The following FGF3 variants were observed in gnomAD, a reference collection of about 807,000 sequenced individuals.
The protein encoded by FGF3 is fibroblast growth factor 3, also known as FGF-3.
A neutral mutation model predicts 9.8 loss-of-function variants in FGF3; 7 were observed. That is an observed-to-expected ratio of 0.72 (90% CI 0.41 to 1.35). The LOEUF (loss-of-function observed/expected upper bound fraction) is 1.35, where lower values mean the gene tolerates loss of function less well. Among genes scored for constraint, FGF3 ranks in the 40% most tolerant of loss-of-function variants. FGF3 has a pLI of 0.01. For synonymous variants in FGF3, 173 were observed against 157.2 expected, an observed-to-expected ratio of 1.10 and a Z score of -0.75; for missense variants, 390 against 345.6, an observed-to-expected ratio of 1.13 and a Z score of -1.02.
chr11:69,818,784 G>T lies in FGF3; in HGVS notation c.150C>A (p.Cys50Ter), dbSNP rs281860301. Residue 50 changes from cysteine (C) to a stop codon, truncating the protein, a stop_gained, in exon 1 of 3, where the codon TGC (cysteine) becomes TGA (stop). Coordinates refer to ENST00000334134, the MANE Select transcript of FGF3 (RefSeq NM_005247.4). LOFTEE classifies it high-confidence loss of function. ...GCAGCTGGAGGTGGTACTTCGTGGCGCAGTAGAGCTTGCGGCGCCGGGGCG... is the reference window on the plus strand; with the variant it reads ...GCAGCTGGAGGTGGTACTTCGTGGCTCAGTAGAGCTTGCGGCGCCGGGGCG... ...GGAPRRRKLYCATKYHLQLHP... is the reference protein window; with the variant it reads ...GGAPRRRKLY 1 of 1,495,664 alleles carries T rather than the reference G, an allele frequency of 6.7e-7. No homozygotes were observed. Among genetic ancestry groups the T allele is most frequent in the Non-Finnish European group, 8.9e-7 (1 of 1,129,344 alleles). 92.6% of individuals were successfully genotyped at this position (1,495,664 alleles called of 1,614,324 possible). A position where few individuals can be genotyped will look rare whatever the true frequency, so the allele number is the denominator to read the frequency against.
chr11:69,818,637 C>T (rs540593549), intron 1 of FGF3, 77 bp downstream of exon 1: 12 of 1,151,354 alleles, frequency 1.0e-5, no homozygotes, highest in Non-Finnish European at 1.4e-5. Flanking sequence ...CCCGCGGGGC[C>T]CCGCAGCGCG....
intron 2 of FGF3, among the ~76,000 whole-genome samples, chr11:69,811,992 G>A (rs782329753): frequency 6.6e-6 from 1 of 152,176 alleles, no homozygotes; most frequent in Non-Finnish European, 1.5e-5. Flanking sequence ...TAGGGAAGAG[G>A]TGGGTATGCC....
intron 2 of FGF3, among the ~76,000 whole-genome samples, chr11:69,815,399 C>T (rs1274652811): frequency 6.6e-6 from 1 of 152,046 alleles, no homozygotes; most frequent in Admixed American, 6.5e-5. Flanking sequence ...AGCCTCTGGA[C>T]CAGAGAAAAT....
chr11:69,812,907 G>C (rs945936156), intron 2 of FGF3, among the ~76,000 whole-genome samples: 1 of 152,172 alleles, frequency 6.6e-6, no homozygotes, highest in Non-Finnish European at 1.5e-5. Context: ...GTGGGAGATT[G>C]GGGGCAGTGT....
At chr11:69,818,568 G>A in intron 1 of FGF3, 146 bp downstream of exon 1, 1 of 526,986 alleles carries the variant, frequency 1.9e-6, no homozygotes, top group Non-Finnish European at 3.1e-6. Context: ...GTCTTTTCCC[G>A]GACACCCCGG....
intron 2 of FGF3, 97 bp downstream of exon 2, chr11:69,816,222 CA>C (rs1856130164): frequency 1.0e-6 from 1 of 969,604 alleles, no homozygotes; most frequent in Non-Finnish European, 1.7e-6. Flanking sequence ...GTACCCTTGG[CA>C]AAGCATTCTA....
chr11:69,816,408 G>T lies in FGF3; in HGVS notation c.236C>A (p.Thr79Lys). 6.2e-7 allele frequency: 1 copy of T among 1,613,570 alleles called. No homozygotes were observed. Among genetic ancestry groups the T allele is most frequent in the Admixed American group, 1.7e-5 (1 of 60,026 alleles). ...ENSAYSILEI[T>K]AVEVGIVAIR... The stretch of plus-strand genomic sequence containing the variant: ...GGCCACAATGCCCACCTCCACTGCC[G>T]TTATCTCCAAAATACCTAGAAGAAA... The change falls in exon 2 of 3, where the codon ACG (threonine) becomes AAG (lysine). Residue 79 changes from threonine (T) to lysine (K), a missense_variant. Physicochemically the swap from Thr to Lys is moderately conservative, Grantham distance 78. Coordinates refer to ENST00000334134, the MANE Select transcript of FGF3 (RefSeq NM_005247.4).
chr11:69,818,176 G>T (rs1421826777), intron 1 of FGF3, among the ~76,000 whole-genome samples: 2 of 152,186 alleles, frequency 1.3e-5, no homozygotes, highest in African/African-American at 2.4e-5. Flanking sequence ...AGCGGGGGCG[G>T]CCACCTGGGC....
In FGF3 at chr11:69,816,321, G is replaced by A. The variant is rs143593259; in HGVS notation, c.323C>T (p.Ser108Leu). Residue 108 changes from serine (S) to leucine (L), a missense_variant and splice_region_variant, in exon 2 of 3, where the codon TCG becomes TTG. Coordinates refer to ENST00000334134, the MANE Select transcript of FGF3 (RefSeq NM_005247.4). ...AMNKRGRLYA[S>L]EHYSAECEFV... ...ACCCACGTGACAGCCTGGACTCACC[G>A]AAGCATAGAGTCGTCCCCTCTTGTT... 1.8e-5 allele frequency: 29 copies of A among 1,612,576 alleles called. No homozygotes were observed. Among genetic ancestry groups the A allele is most frequent in the African/African-American group, 5.3e-5 (4 of 75,018 alleles).
At chr11:69,818,405 C>A (rs1337901401) in intron 1 of FGF3, among the ~76,000 whole-genome samples, 2 of 152,144 alleles carry the variant, frequency 1.3e-5, no homozygotes, top group Non-Finnish European at 2.9e-5. Context: ...CGGGCCGGAC[C>A]GGGGACGGAC....
chr11:69,810,823 C>T (rs1200736183), intron 2 of FGF3, 123 bp from the exon 3 acceptor site: 1 of 784,274 alleles, frequency 1.3e-6, no homozygotes, highest in Admixed American at 3.1e-5. Context: ...AACCCCAGCG[C>T]ACTCTCAGCC....
chr11:69,819,039 C>A lies in FGF3; in HGVS notation c.-106G>T. 1 of 661,210 alleles carries A rather than the reference C, an allele frequency of 1.5e-6. No homozygotes were observed. The highest frequency in any genetic ancestry group is 2.3e-6 in the Non-Finnish European group (1 of 436,806). The allele number at this position is 661,210 out of a possible 1,614,324, so 41.0% of individuals were successfully genotyped here. ...GCGAGGTGCTCGGAGCGGGATCCCG[C>A]GCCTGGAGATGCTGACTCCGGCTTC... On this transcript the variant is annotated 5_prime_UTR_variant, in exon 1 of 3. Coordinates refer to ENST00000334134, the MANE Select transcript of FGF3 (RefSeq NM_005247.4).
Position 69,810,527 on chromosome 11 carries a change from G to A in FGF3, c.498C>T (p.Gly166=), listed in dbSNP as rs373420417. 4.3e-5 allele frequency: 69 copies of A among 1,610,958 alleles called. No homozygotes were observed. Among genetic ancestry groups the A allele is most frequent in the Non-Finnish European group, 5.9e-5 (69 of 1,178,974 alleles). The change falls in exon 3 of 3, where the codon GGC becomes GGT. Residue 166 remains glycine, a synonymous_variant. Transcript: ENST00000334134. ...ACTTCTGTGTGCGGCGGGTCTTGAA[G>A]CCCCTGCGGGGCCGGCCCTTGCCGT... ...SVNGKGRPRR[G]FKTRRTQKSS...
intron 1 of FGF3, among the ~76,000 whole-genome samples, chr11:69,818,242 G>T (rs1456308318): frequency 2.0e-5 from 3 of 152,190 alleles, no homozygotes; most frequent in Non-Finnish European, 4.4e-5. Context: ...TCGGCAGGAG[G>T]AGGAGAAGTC....
rs935195976 is a variant in FGF3, at chr11:69,816,129, G to A, written c.324+191C>T. Among the ~76,000 whole-genome samples the A allele has an allele frequency of 3.9e-5, 6 of 152,154 alleles. No homozygotes were observed. In the East Asian group the frequency reaches 9.7e-4, roughly 24 times the overall value. ...CCCAGGGCCAGGCTCCAGGTCACTC[G>A]CGGAGCAGCCTCTAACAGACACAGC... On this transcript the variant is annotated intron_variant, in intron 2 of 2. Transcript: ENST00000334134.
intron 2 of FGF3, among the ~76,000 whole-genome samples, chr11:69,811,473 GA>G (rs200942156): frequency 0.057 from 8,094 of 142,536 alleles, 578 homozygotes; most frequent in Admixed American, 0.21. Context: ...AAAAAGAAAA[GA>G]AAAAAAAAGA....
At chr11:69,816,551 G>A (rs531657627) in intron 1 of FGF3, 128 bp from the exon 2 acceptor site, 12 of 701,388 alleles carry the variant, frequency 1.7e-5, no homozygotes, top group East Asian at 1.1e-4. Flanking sequence ...CCCACAGGTC[G>A]GGGAGTGAGT....
chr11:69,810,843 T>A (rs1856019341), intron 2 of FGF3, 143 bp from the exon 3 acceptor site: 1 of 637,212 alleles, frequency 1.6e-6, no homozygotes, highest in Admixed American at 3.4e-5. Context: ...CAGTCACACC[T>A]TTGCCTAGGC....
In FGF3 at chr11:69,810,578, G is replaced by T; in HGVS notation, c.447C>A (p.Ala149=). Residue 149 remains alanine (A), a synonymous_variant, in exon 3 of 3, where the codon GCC becomes GCA. Transcript: ENST00000334134. ...TCACAGACACGTACCACAGTCTCTCGGCGCTGGGCTGCCGGCGGGCCCCAG... is the reference window on the plus strand; with the variant it reads ...TCACAGACACGTACCACAGTCTCTCTGCGCTGGGCTGCCGGCGGGCCCCAG... The part of the protein sequence containing the change: ...STPGARRQPS[A]ERLWYVSVNG... The T allele has an allele frequency of 6.2e-7, 1 of 1,611,814 alleles. No individual in the cohort carries two copies. The highest frequency in any genetic ancestry group is 8.5e-7 in the Non-Finnish European group (1 of 1,179,010).
Sources: allele counts gnomAD v4.1 joint callset (sites outside exome capture counted in the v4.1 genomes callset), GRCh38; gene constraint gnomAD v4.1.1; transcripts MANE v1.5; gene names NCBI Gene and HGNC (gene_info 2026-07-23, HGNC 2026-07-21).